The following VAV3 variants were observed in gnomAD, a reference collection of about 807,000 sequenced individuals.
VAV3 encodes the protein vav guanine nucleotide exchange factor 3, also known as guanine nucleotide exchange factor VAV3.
A neutral mutation model predicts 131.2 loss-of-function variants in VAV3; 94 were observed. The ratio of observed to expected loss-of-function variants is 0.72; its 90% CI spans 0.61 to 0.85. The LOEUF is 0.85. Ranked by LOEUF, VAV3 falls within the 40% of genes least tolerant of loss-of-function variation. The pLI is 0.00. For missense variants in VAV3, 939 were observed against 1,002.7 expected, an observed-to-expected ratio of 0.94 and a Z score of 0.86; for synonymous variants, 349 against 342.0, an observed-to-expected ratio of 1.02 and a Z score of -0.22.
At chr1:107,960,047 T>G (rs1462768671) in intron 1 of VAV3, among the ~76,000 whole-genome samples, 1 of 152,200 alleles carries the variant, frequency 6.6e-6, no homozygotes, top group Admixed American at 6.5e-5. Flanking sequence ...CTTCCCACCA[T>G]CTGCCCTGCT....
chr1:107,891,402 C>T (rs934923287), intron 1 of VAV3, among the ~76,000 whole-genome samples: 7 of 152,094 alleles, frequency 4.6e-5, no homozygotes, highest in Non-Finnish European at 1.0e-4. Flanking sequence ...TGATCATGGC[C>T]TACTACAAGG....
At chr1:107,922,951 CAAAAAAAAAAAAGAAA>C (rs1172983023) in intron 1 of VAV3, among the ~76,000 whole-genome samples, 19 of 75,418 alleles carry the variant, frequency 2.5e-4, no homozygotes, top group African/African-American at 8.9e-4. Flanking sequence ...GACTCCGTCT[CAAAAAAAAAAAAGAAA>C]AAAAAAAAAA....
intron 19 of VAV3, among the ~76,000 whole-genome samples, chr1:107,660,678 A>G (rs1656947558): frequency 6.6e-6 from 1 of 152,212 alleles, no homozygotes; most frequent in Non-Finnish European, 1.5e-5. Context: ...TAAGGCATTC[A>G]TTCATCACTA....
intron 1 of VAV3, among the ~76,000 whole-genome samples, chr1:107,956,364 C>A (rs1307646239): frequency 6.6e-6 from 1 of 152,112 alleles, no homozygotes; most frequent in African/African-American, 2.4e-5. Flanking sequence ...TTCCTCAGGA[C>A]CCCTTTCCAC....
intron 15 of VAV3, among the ~76,000 whole-genome samples, chr1:107,712,149 T>C (rs1397524695): frequency 1.3e-5 from 2 of 152,166 alleles, no homozygotes; most frequent in African/African-American, 2.4e-5. Context: ...CTTATAAATA[T>C]ACAATGAGAT....
At position 107,783,458 on chromosome 1, in the gene VAV3, C is replaced by A. The variant is rs571224521; in HGVS notation, c.322-3966G>T. Among the ~76,000 whole-genome samples, 3 of 152,214 alleles carry A rather than the reference C, an allele frequency of 2.0e-5. No individual in the cohort carries two copies. The South Asian group carries it at 6.2e-4, about 32-fold the overall frequency. On this transcript the variant is annotated intron_variant, in intron 2 of 26. Transcript: ENST00000370056. Reference sequence around the variant, plus strand: ...AATAGTAGCTGATGCTCTGTGAGGGCTAAGGGAAGAAGAACCCAGGATGAC... The same window carrying A: ...AATAGTAGCTGATGCTCTGTGAGGGATAAGGGAAGAAGAACCCAGGATGAC...
intron 15 of VAV3, among the ~76,000 whole-genome samples, chr1:107,707,376 G>C (rs1196486341): frequency 6.6e-6 from 1 of 152,174 alleles, no homozygotes. Flanking sequence ...AGGCAAGTTA[G>C]TGAGTATAAA....
chr1:107,908,857 ACACACACACACAC>A (rs1672234409), intron 1 of VAV3, among the ~76,000 whole-genome samples: 1 of 146,550 alleles, frequency 6.8e-6, no homozygotes, highest in Non-Finnish European at 1.5e-5. Context: ...ACACACACAC[ACACACACACACAC>A]ACACAATATA....
intron 25 of VAV3, among the ~76,000 whole-genome samples, chr1:107,587,827 A>G (rs968922161): frequency 6.6e-6 from 1 of 152,128 alleles, no homozygotes. Context: ...CCTAACCTCA[A>G]ATGATCCACC....
At chr1:107,701,062 C>CT (rs35657301) in intron 17 of VAV3, among the ~76,000 whole-genome samples, 84,101 of 151,060 alleles carry the variant, frequency 0.56, 24,386 homozygotes, top group Non-Finnish European at 0.63. Context: ...TCATGTTGAG[C>CT]TTTTTTTTTC....
chr1:107,870,949 A>G (rs1343396589), intron 2 of VAV3, among the ~76,000 whole-genome samples: 1 of 152,166 alleles, frequency 6.6e-6, no homozygotes, highest in African/African-American at 2.4e-5. Flanking sequence ...CCTGACTTCT[A>G]TTACGCTCTA....
intron 10 of VAV3, among the ~76,000 whole-genome samples, chr1:107,759,351 TAA>T (rs2102121124): frequency 6.6e-6 from 1 of 152,314 alleles, no homozygotes; most frequent in African/African-American, 2.4e-5. Context: ...CTTCATTAAA[TAA>T]AAGTCATGTT....
At chr1:107,726,500 A>G (rs1570837258) in intron 15 of VAV3, among the ~76,000 whole-genome samples, 1 of 152,220 alleles carries the variant, frequency 6.6e-6, no homozygotes, top group African/African-American at 2.4e-5. Flanking sequence ...TTAATCAATC[A>G]ATTATCTACA....
intron 17 of VAV3, among the ~76,000 whole-genome samples, chr1:107,695,467 G>A (rs1184013161): frequency 6.6e-6 from 1 of 152,124 alleles, no homozygotes; most frequent in East Asian, 1.9e-4. Flanking sequence ...AGATGTGGAA[G>A]ACGTTGACAC....
chr1:107,756,145 C>T (rs572631118), intron 11 of VAV3, among the ~76,000 whole-genome samples: 55 of 152,102 alleles, frequency 3.6e-4, no homozygotes, highest in Non-Finnish European at 7.1e-4. Flanking sequence ...AAATGCTGGC[C>T]GTGTCTTTCC....
chr1:107,830,639 G>A (rs1359136714), intron 2 of VAV3, among the ~76,000 whole-genome samples: 2 of 151,970 alleles, frequency 1.3e-5, no homozygotes, highest in Non-Finnish European at 2.9e-5. Context: ...TCTCTGCTGT[G>A]CTGCCTGTCA....
intron 1 of VAV3, chr1:107,897,078 G>A (rs938682800): frequency 6.6e-6 from 1 of 152,056 alleles, no homozygotes; most frequent in African/African-American, 2.4e-5. Flanking sequence ...AGGAGCCGGA[G>A]CAGCACTGAC....
chr1:107,786,473 A>G (rs1426032957), intron 2 of VAV3, among the ~76,000 whole-genome samples: 2 of 152,206 alleles, frequency 1.3e-5, no homozygotes, highest in Non-Finnish European at 2.9e-5. Flanking sequence ...CTACGAAATT[A>G]CAATTAAAAC....
chr1:107,824,202 A>G (rs1667914959), intron 2 of VAV3, among the ~76,000 whole-genome samples: 1 of 152,218 alleles, frequency 6.6e-6, no homozygotes, highest in African/African-American at 2.4e-5. Context: ...GGTGATGGGA[A>G]CAAATGCCAG....
Sources: allele counts gnomAD v4.1 joint callset (sites outside exome capture counted in the v4.1 genomes callset), GRCh38; gene constraint gnomAD v4.1.1; transcripts MANE v1.5; gene names NCBI Gene and HGNC (gene_info 2026-07-23, HGNC 2026-07-21).